Variants in PARD3B observed in about 807,000 individuals in gnomAD.
PARD3B encodes partitioning defective 3 homolog B.
A neutral mutation model predicts 130.2 loss-of-function variants in PARD3B; 103 were observed. The ratio of observed to expected loss-of-function variants is 0.79; its 90% CI spans 0.67 to 0.93. The LOEUF is 0.93. Among genes scored for constraint, PARD3B ranks in the 40% least tolerant of loss-of-function variants. The pLI is 0.00. For synonymous variants in PARD3B, 583 were observed against 553.2 expected (o/e 1.05, Z -0.76); for missense variants, 1,609 against 1,499.2 (o/e 1.07, Z -1.21).
intron 22 of PARD3B, among the ~76,000 whole-genome samples, chr2:205,581,564 C>T (rs1472383914): frequency 6.8e-6 from 1 of 146,678 alleles, no homozygotes; most frequent in Non-Finnish European, 1.5e-5. Context: ...GTAACTACAG[C>T]CAATAATTTA....
At chr2:205,102,103 A>G (rs950545910) in intron 4 of PARD3B, among the ~76,000 whole-genome samples, 3 of 152,190 alleles carry the variant, frequency 2.0e-5, no homozygotes, top group Admixed American at 1.3e-4. Flanking sequence ...CCCCGCAGAC[A>G]TGGGGCTGCA....
intron 2 of PARD3B, among the ~76,000 whole-genome samples, chr2:204,883,177 G>A (rs561335286): frequency 5.9e-5 from 9 of 151,718 alleles, no homozygotes; most frequent in African/African-American, 2.2e-4. Context: ...CCAATAAATA[G>A]TGGAAATCAT....
At chr2:205,275,833 G>GT (rs1559612528) in intron 16 of PARD3B, among the ~76,000 whole-genome samples, 1 of 66,212 alleles carries the variant, frequency 1.5e-5, no homozygotes, top group Non-Finnish European at 2.6e-5. Flanking sequence ...GTGAAACTTT[G>GT]TCTCAAAAAA....
chr2:205,551,984 G>C (rs1037499681), intron 21 of PARD3B, among the ~76,000 whole-genome samples: 3 of 152,184 alleles, frequency 2.0e-5, no homozygotes, highest in Admixed American at 6.5e-5. Flanking sequence ...CAAGTGCGTT[G>C]AGGTGAACAG....
At chr2:205,040,569 C>G (rs973555455) in intron 3 of PARD3B, among the ~76,000 whole-genome samples, 1 of 152,128 alleles carries the variant, frequency 6.6e-6, no homozygotes, top group Admixed American at 6.5e-5. Flanking sequence ...AGGAAATGTA[C>G]TACATGAAAC....
In PARD3B at chr2:204,967,110, G is replaced by A. The variant is rs1018274236; in HGVS notation, c.394+1787G>A. On this transcript the variant is annotated intron_variant, in intron 3 of 22. Transcript: ENST00000406610. This position sits in a 1 kb window ranked among gnomAD's most constrained non-coding sequence, Gnocchi z 4.4. The stretch of plus-strand genomic sequence containing the variant: ...ATATAACTGTCTTGGGGTTTACTTT[G>A]AGAATATATGCCAAAACCCTGAAAA... Among the ~76,000 whole-genome samples, 2 of 152,172 alleles carry A rather than the reference G, an allele frequency of 1.3e-5. No individual in the cohort carries two copies. The highest frequency in any genetic ancestry group is 4.8e-5 in the African/African-American group (2 of 41,434).
At chr2:204,660,192 T>C (rs138159514) in intron 1 of PARD3B, among the ~76,000 whole-genome samples, 115 of 152,336 alleles carry the variant, frequency 7.5e-4, no homozygotes, top group African/African-American at 2.5e-3. Flanking sequence ...TTCTGAATTA[T>C]AAATTTTCAT....
chr2:205,428,028 T>C (rs2047202817), intron 19 of PARD3B, among the ~76,000 whole-genome samples: 1 of 152,066 alleles, frequency 6.6e-6, no homozygotes, highest in East Asian at 1.9e-4. Context: ...AGCGTGATAG[T>C]ATTAGGAGGT....
chr2:205,325,012 T>A lies in PARD3B; in HGVS notation c.2630+23311T>A. Among the ~76,000 whole-genome samples, 1 of 152,210 alleles carries A rather than the reference T, an allele frequency of 6.6e-6. No homozygotes were observed. Among genetic ancestry groups the A allele is most frequent in the Middle Eastern group, 3.2e-3 (1 of 316 alleles). On this transcript the variant is annotated intron_variant, in intron 18 of 22. Coordinates refer to ENST00000406610, the MANE Select transcript of PARD3B (RefSeq NM_001302769.2). This position sits in a 1 kb window ranked among gnomAD's most constrained non-coding sequence, Gnocchi z 4.1. ...ATTCGTTACCAAGTTCCACAAATTC[T>A]ACTCTCTAAGAATCTAAATTCTCTC...
At chr2:205,327,030 T>C (rs1039360704) in intron 18 of PARD3B, among the ~76,000 whole-genome samples, 1 of 152,190 alleles carries the variant, frequency 6.6e-6, no homozygotes, top group African/African-American at 2.4e-5. Context: ...ACTTTTGATA[T>C]CTTAGTCTGA....
At chr2:205,546,517 TAAG>T (rs2052387562) in intron 21 of PARD3B, among the ~76,000 whole-genome samples, 1 of 152,110 alleles carries the variant, frequency 6.6e-6, no homozygotes, top group African/African-American at 2.4e-5. Context: ...AATTACCTAA[TAAG>T]GAGTTCTTCA....
intron 16 of PARD3B, among the ~76,000 whole-genome samples, chr2:205,289,994 T>A (rs1021487696): frequency 6.6e-6 from 1 of 152,190 alleles, no homozygotes; most frequent in Non-Finnish European, 1.5e-5. Context: ...TATTCAGTTA[T>A]AGCAACAAAA....
Position 204,870,998 on chromosome 2 carries a change from C to A in PARD3B, c.223-94154C>A, listed in dbSNP as rs1236633645. Among the ~76,000 whole-genome samples, 3 of 152,130 alleles carry A rather than the reference C, an allele frequency of 2.0e-5. No individual in the cohort carries two copies. The East Asian group carries it at 5.8e-4, about 29-fold the overall frequency. On this transcript the variant is annotated intron_variant, in intron 2 of 22. Coordinates refer to ENST00000406610, the MANE Select transcript of PARD3B (RefSeq NM_001302769.2). The stretch of plus-strand genomic sequence containing the variant: ...TTTATGCTTTTTAATTTTGTATCAT[C>A]AAATCCAAACTGCAACTCCTTATGT...
chr2:204,570,005 T>G (rs1423848239), intron 1 of PARD3B, among the ~76,000 whole-genome samples: 1 of 152,060 alleles, frequency 6.6e-6, no homozygotes. Context: ...TGTGGCAAAA[T>G]TTATAACGGG....
intron 20 of PARD3B, among the ~76,000 whole-genome samples, chr2:205,443,706 A>G (rs1207271726): frequency 2.0e-5 from 3 of 152,190 alleles, no homozygotes; most frequent in Non-Finnish European, 4.4e-5. Flanking sequence ...AGGGGAGCTC[A>G]GAAGCACCCA....
intron 2 of PARD3B, among the ~76,000 whole-genome samples, chr2:204,917,724 C>G (rs2125741192): frequency 6.6e-6 from 1 of 152,224 alleles, no homozygotes; most frequent in South Asian, 2.1e-4. Flanking sequence ...TAGCCAACGA[C>G]AAGTATTTTC....
intron 2 of PARD3B, among the ~76,000 whole-genome samples, chr2:204,959,913 A>T (rs964854986): frequency 6.6e-6 from 1 of 151,972 alleles, no homozygotes; most frequent in African/African-American, 2.4e-5. Context: ...TGTTTTCCTA[A>T]CTCCTGTTTA....
intron 1 of PARD3B, among the ~76,000 whole-genome samples, chr2:204,639,560 G>T (rs1176798004): frequency 7.2e-5 from 11 of 152,094 alleles, no homozygotes; most frequent in Non-Finnish European, 1.6e-4. Context: ...TATTCCCTAA[G>T]CAATAGAGTA....
chr2:205,016,338 G>A (rs1367162834), intron 3 of PARD3B, among the ~76,000 whole-genome samples: 1 of 152,028 alleles, frequency 6.6e-6, no homozygotes, highest in Non-Finnish European at 1.5e-5. Flanking sequence ...GGCTCATTTT[G>A]TGCTCTTTTT....
Sources: gnomAD v4.1 joint callset for allele counts (sites outside exome capture counted in the v4.1 genomes callset) on GRCh38, gnomAD v4.1.1 for gene constraint, Gnocchi (gnomAD v3.1) non-coding constraint, MANE v1.5 for transcripts, NCBI Gene and HGNC (gene_info 2026-07-23, HGNC 2026-07-21) for gene names.